TBC1D14: variants seen among roughly 807,000 people sequenced by gnomAD.
TBC1D14 encodes the protein TBC1 domain family, member 14.
In TBC1D14, 26 loss-of-function variants were observed where a neutral mutation model predicts 79.0. The ratio of observed to expected loss-of-function variants is 0.33; its 90% CI spans 0.24 to 0.46. The LOEUF is 0.46. Among genes scored for constraint, TBC1D14 ranks in the 20% least tolerant of loss-of-function variants. The pLI, the probability that TBC1D14 is intolerant of heterozygous loss-of-function variation, is 1.00. For synonymous variants in TBC1D14, 394 were observed against 349.9 expected (o/e 1.13, Z -1.40); for missense variants, 769 against 887.6 (o/e 0.87, Z 1.70).
intron 2 of TBC1D14, among the ~76,000 whole-genome samples, chr4:6,924,638 C>T (rs1577465737): frequency 7.9e-6 from 1 of 126,248 alleles, no homozygotes; most frequent in Non-Finnish European, 1.9e-5. Flanking sequence ...TGCTGCACTG[C>T]AGCCCCATGC....
At chr4:7,003,594 G>T (rs1348622556) in intron 7 of TBC1D14, among the ~76,000 whole-genome samples, 1 of 152,228 alleles carries the variant, frequency 6.6e-6, no homozygotes, top group African/African-American at 2.4e-5. Flanking sequence ...CAAAAGTAAT[G>T]ATGGGAAAAA....
At position 6,977,083 on chromosome 4, in the gene TBC1D14, CTCTCCCCACTG is replaced by C. The variant is rs368408234; in HGVS notation, c.843+9666_843+9676del. Among the ~76,000 whole-genome samples the C allele has an allele frequency of 7.8e-4, 24 of 30,630 alleles. 2 individuals carry two copies. The highest frequency in any genetic ancestry group is 1.2e-3 in the Non-Finnish European group (15 of 12,412). The allele number at this position is 30,630 out of a possible 152,430, so 20.1% of individuals were successfully genotyped here. The stretch of plus-strand genomic sequence containing the variant: ...CTCCCTCCTCTCCCTCTCCCTCTCC[CTCTCCCCACTG>C]TCTCCCTCTCCCCACGGTCTCCCTC... On this transcript the variant is annotated intron_variant, in intron 3 of 13. Coordinates refer to ENST00000409757, the MANE Select transcript of TBC1D14 (RefSeq NM_020773.3).
chr4:6,994,438 A>G, intron 4 of TBC1D14, 136 bp downstream of exon 4: 1 of 742,412 alleles, frequency 1.3e-6, no homozygotes, highest in South Asian at 1.7e-5. Context: ...TATTCTCTAT[A>G]TTAACATGTG....
At chr4:7,022,853 T>C (rs1428917669) in intron 12 of TBC1D14, among the ~76,000 whole-genome samples, 2 of 151,952 alleles carry the variant, frequency 1.3e-5, no homozygotes, top group Non-Finnish European at 2.9e-5. Context: ...GAACAAACTT[T>C]AGTTCTTTGG....
chr4:6,988,691 T>C (rs1193710908), intron 3 of TBC1D14, among the ~76,000 whole-genome samples: 1 of 152,212 alleles, frequency 6.6e-6, no homozygotes, highest in Non-Finnish European at 1.5e-5. Context: ...ATTTGACTGA[T>C]GACCCTTTCC....
At chr4:6,912,233 A>G (rs914076052) in intron 1 of TBC1D14, among the ~76,000 whole-genome samples, 1 of 152,072 alleles carries the variant, frequency 6.6e-6, no homozygotes, top group African/African-American at 2.4e-5. Flanking sequence ...TACTAAAAAT[A>G]CAAAAATTAG....
intron 2 of TBC1D14, among the ~76,000 whole-genome samples, chr4:6,937,235 A>G (rs115397709): frequency 1.1e-3 from 164 of 152,350 alleles, no homozygotes; most frequent in African/African-American, 3.8e-3. Context: ...AATTTTAAAC[A>G]TAATATTGTA....
intron 12 of TBC1D14, among the ~76,000 whole-genome samples, chr4:7,021,651 G>C (rs1421789263): frequency 1.1e-5 from 1 of 87,232 alleles, no homozygotes; most frequent in African/African-American, 5.3e-5. Flanking sequence ...AGTTGTACTT[G>C]AAATTACTTT....
At chr4:6,983,986 TCA>T in intron 3 of TBC1D14, among the ~76,000 whole-genome samples, 1 of 152,204 alleles carries the variant, frequency 6.6e-6, no homozygotes, top group East Asian at 1.9e-4. Context: ...GATCTTGTGT[TCA>T]GTCTTACTGC....
At chr4:6,914,595 G>A (rs1057194686) in intron 1 of TBC1D14, among the ~76,000 whole-genome samples, 5 of 152,198 alleles carry the variant, frequency 3.3e-5, no homozygotes, top group Admixed American at 2.6e-4. Context: ...AGCTCTTTGG[G>A]TGGTTGTGGA....
intron 2 of TBC1D14, among the ~76,000 whole-genome samples, chr4:6,953,217 G>T (rs1295810053): frequency 6.7e-6 from 1 of 148,618 alleles, no homozygotes; most frequent in East Asian, 2.0e-4. Context: ...TAGAGACGGG[G>T]TTTCACCATC....
intron 12 of TBC1D14, among the ~76,000 whole-genome samples, chr4:7,014,925 C>A (rs6849716): frequency 0.28 from 42,536 of 152,194 alleles, 6,218 homozygotes; most frequent in African/African-American, 0.35. Flanking sequence ...TGTCCATGGA[C>A]ACTGTCCACG....
chr4:7,024,359 GTCCCCACCCAGCTGGGGA>G (rs1213557698), intron 12 of TBC1D14, among the ~76,000 whole-genome samples: 49 of 152,330 alleles, frequency 3.2e-4, no homozygotes, highest in Middle Eastern at 3.4e-3. Context: ...GGGTGGAGAT[GTCCCCACCCAGCTGGGGA>G]TCCCCACCTG....
At position 6,949,708 on chromosome 4, in the gene TBC1D14, G is replaced by A. The variant is rs570188487; in HGVS notation, c.723-17596G>A. Among the ~76,000 whole-genome samples the A allele has an allele frequency of 3.4e-5, 5 of 147,738 alleles. No homozygotes were observed. The South Asian group carries it at 1.1e-3, about 31-fold the overall frequency. On this transcript the variant is annotated intron_variant, in intron 2 of 13. Coordinates refer to ENST00000409757, the MANE Select transcript of TBC1D14 (RefSeq NM_020773.3). Reference sequence around the variant, plus strand: ...AAAAAAAAAAAAAAATTGAATCCTTGAACCTCTATTTAGGTTTTCTTTCAT... The same window carrying A: ...AAAAAAAAAAAAAAATTGAATCCTTAAACCTCTATTTAGGTTTTCTTTCAT...
chr4:7,017,642 G>A (rs891383963), intron 12 of TBC1D14, among the ~76,000 whole-genome samples: 1 of 152,156 alleles, frequency 6.6e-6, no homozygotes, highest in Admixed American at 6.5e-5. Context: ...TGGTGCCCAG[G>A]GCCTTGTGAA....
intron 13 of TBC1D14, among the ~76,000 whole-genome samples, chr4:7,028,429 G>GT (rs766271829): frequency 0.026 from 3,849 of 149,224 alleles, 69 homozygotes; most frequent in Middle Eastern, 0.045. Context: ...TCAGTTTTTT[G>GT]TTTGTTTTTT....
At chr4:6,958,055 G>C (rs963213831) in intron 2 of TBC1D14, among the ~76,000 whole-genome samples, 3 of 151,360 alleles carry the variant, frequency 2.0e-5, no homozygotes, top group African/African-American at 7.3e-5. Flanking sequence ...CAGCCCTTTA[G>C]CCTGGGCCAG....
intron 2 of TBC1D14, among the ~76,000 whole-genome samples, chr4:6,957,864 C>T (rs1714784608): frequency 6.6e-6 from 1 of 151,824 alleles, no homozygotes; most frequent in Non-Finnish European, 1.5e-5. Flanking sequence ...GTTCACACCA[C>T]TGTACTCCAG....
intron 9 of TBC1D14, chr4:7,007,676 A>G: frequency 8.7e-7 from 1 of 1,155,058 alleles, no homozygotes; most frequent in South Asian, 1.3e-5. Flanking sequence ...CAGTTGACTT[A>G]GCTGGGAGCC....
Sources: gnomAD v4.1 joint callset for allele counts (sites outside exome capture counted in the v4.1 genomes callset) on GRCh38, gnomAD v4.1.1 for gene constraint, MANE v1.5 for transcripts, NCBI Gene and HGNC (gene_info 2026-07-23, HGNC 2026-07-21) for gene names.